TXNRD1: variants seen among roughly 807,000 people sequenced by gnomAD.
TXNRD1 encodes the protein thioredoxin reductase 1, cytoplasmic.
In TXNRD1, 57 loss-of-function variants were observed where a neutral mutation model predicts 80.3. The ratio of observed to expected loss-of-function variants is 0.71; its 90% confidence interval spans 0.57 to 0.89. The LOEUF (loss-of-function observed/expected upper bound fraction) is 0.89. TXNRD1 is among the 40% of genes least tolerant of loss of function. The pLI is 0.00. For missense variants in TXNRD1, 730 were observed against 803.0 expected, an observed-to-expected ratio of 0.91 and a Z score of 1.10; for synonymous variants, 291 against 285.2, an observed-to-expected ratio of 1.02 and a Z score of -0.20.
chr12:104,326,255 C>T, intron 11 of TXNRD1, 92 bp from the exon 12 acceptor site: 1 of 803,562 alleles, frequency 1.2e-6, no homozygotes, highest in Non-Finnish European at 1.9e-6. Context: ...AAAATGAAAT[C>T]AGATTAGCTT....
At chr12:104,245,591 G>C (rs182020389) in intron 1 of TXNRD1, among the ~76,000 whole-genome samples, 5 of 141,086 alleles carry the variant, frequency 3.5e-5, no homozygotes, top group Non-Finnish European at 6.0e-5. Context: ...GCAGTGAGCC[G>C]AGATCCGAGA....
intron 1 of TXNRD1, among the ~76,000 whole-genome samples, chr12:104,221,374 T>C (rs987463481): frequency 1.3e-5 from 2 of 152,070 alleles, no homozygotes; most frequent in African/African-American, 2.4e-5. Context: ...CTGGAGTGCA[T>C]TGGCATGATC....
At chr12:104,225,337 C>T (rs989663634) in intron 1 of TXNRD1, among the ~76,000 whole-genome samples, 1 of 152,224 alleles carries the variant, frequency 6.6e-6, no homozygotes, top group Non-Finnish European at 1.5e-5. Flanking sequence ...AGCGAGGATT[C>T]TCATGCTGGA....
chr12:104,274,157 G>T (rs2033709465), intron 3 of TXNRD1, among the ~76,000 whole-genome samples: 1 of 152,144 alleles, frequency 6.6e-6, no homozygotes, highest in South Asian at 2.1e-4. Context: ...TCTTTGGGGT[G>T]GAGAAATTGG....
intron 1 of TXNRD1, among the ~76,000 whole-genome samples, chr12:104,246,709 G>T (rs1050383148): frequency 1.3e-5 from 2 of 151,714 alleles, no homozygotes; most frequent in African/African-American, 4.8e-5. Context: ...TTTTAGTAGA[G>T]ACTGGGTTTC....
chr12:104,253,193 A>G (rs566776883), intron 2 of TXNRD1, among the ~76,000 whole-genome samples: 23 of 152,114 alleles, frequency 1.5e-4, no homozygotes, highest in Admixed American at 1.2e-3. Context: ...GTCTGTGCAC[A>G]CGTGCACTTT....
chr12:104,238,102 A>G (rs2032778091), intron 1 of TXNRD1, among the ~76,000 whole-genome samples: 1 of 152,208 alleles, frequency 6.6e-6, no homozygotes, highest in Non-Finnish European at 1.5e-5. Flanking sequence ...AATAGTCTCA[A>G]GGATTATTGG....
intron 16 of TXNRD1, among the ~76,000 whole-genome samples, chr12:104,342,005 C>T (rs1022635186): frequency 4.6e-5 from 7 of 152,090 alleles, no homozygotes; most frequent in Admixed American, 1.3e-4. Flanking sequence ...TGTGGGGAGG[C>T]GGGGGACAAC....
At chr12:104,245,987 C>T (rs1336871191) in intron 1 of TXNRD1, among the ~76,000 whole-genome samples, 2 of 150,742 alleles carry the variant, frequency 1.3e-5, no homozygotes, top group East Asian at 3.9e-4. Context: ...GTGGCGGGCT[C>T]CTGTAGTCCC....
At chr12:104,231,421 G>A (rs761345075) in intron 1 of TXNRD1, among the ~76,000 whole-genome samples, 1 of 152,154 alleles carries the variant, frequency 6.6e-6, no homozygotes, top group Non-Finnish European at 1.5e-5. Flanking sequence ...GAAACAATTT[G>A]ATTTATAGTA....
intron 3 of TXNRD1, among the ~76,000 whole-genome samples, chr12:104,275,998 T>A (rs1441767670): frequency 6.6e-6 from 1 of 152,204 alleles, no homozygotes; most frequent in Non-Finnish European, 1.5e-5. Flanking sequence ...GGCACACAGT[T>A]TGCCAGCAGA....
At chr12:104,267,686 TTTCTTTCTTTCTTTCTCTCTTTCTTTC>T (rs2033547650) in intron 3 of TXNRD1, among the ~76,000 whole-genome samples, 1 of 42,430 alleles carries the variant, frequency 2.4e-5, no homozygotes, top group Non-Finnish European at 6.1e-5. Flanking sequence ...TCTTTCTTTC[TTTCTTTCTTTCTTTCTCTCTTTCTTTC>T]TTTCTTTCTC....
intron 3 of TXNRD1, among the ~76,000 whole-genome samples, chr12:104,270,085 A>G (rs2033622640): frequency 6.6e-6 from 1 of 152,154 alleles, no homozygotes; most frequent in African/African-American, 2.4e-5. Context: ...TCTTGAATTC[A>G]TCAAAGTTAC....
At chr12:104,227,453 A>G (rs2032497873) in intron 1 of TXNRD1, among the ~76,000 whole-genome samples, 3 of 152,098 alleles carry the variant, frequency 2.0e-5, no homozygotes, top group African/African-American at 7.2e-5. Context: ...TTTTTATAGA[A>G]ATGAAGTCTT....
chr12:104,293,437 G>A (rs531814886), intron 4 of TXNRD1, among the ~76,000 whole-genome samples: 4 of 152,286 alleles, frequency 2.6e-5, no homozygotes, highest in Admixed American at 2.6e-4. Context: ...GTCTTGGGGG[G>A]TAGATGCTGA....
At chr12:104,335,175 G>C (rs945509898) in intron 15 of TXNRD1, among the ~76,000 whole-genome samples, 30 of 149,622 alleles carry the variant, frequency 2.0e-4, no homozygotes, top group Non-Finnish European at 3.5e-4. Context: ...GTGAATAAGA[G>C]TACAATATGC....
At chr12:104,235,553 C>T (rs1025390627) in intron 1 of TXNRD1, among the ~76,000 whole-genome samples, 3 of 152,180 alleles carry the variant, frequency 2.0e-5, no homozygotes, top group Non-Finnish European at 4.4e-5. Flanking sequence ...GCTTCTCTCT[C>T]CTTGTGCAAA....
rs537434799 is a variant in TXNRD1, at chr12:104,311,723, G to A, written c.537+311G>A. On this transcript the variant is annotated intron_variant, in intron 5 of 16. Transcript: ENST00000525566. ...GTGCCTGGTGTGGTGACTCACGCCT[G>A]TAATCCCAGCACTTTGGGAGTCCGA... 2.1e-4 allele frequency among the ~76,000 whole-genome samples: 32 copies of A among 152,300 alleles called. No individual in the cohort carries two copies. In the South Asian group the frequency reaches 6.6e-3, roughly 32 times the overall value.
intron 1 of TXNRD1, among the ~76,000 whole-genome samples, chr12:104,237,054 C>A (rs1462571918): frequency 2.0e-5 from 3 of 152,004 alleles, no homozygotes; most frequent in Non-Finnish European, 4.4e-5. Flanking sequence ...TGGGAGGGAA[C>A]AAGAAACAAA....
Sources: gnomAD v4.1 joint callset for allele counts (sites outside exome capture counted in the v4.1 genomes callset) on GRCh38, gnomAD v4.1.1 for gene constraint, MANE v1.5 for transcripts, NCBI Gene and HGNC (gene_info 2026-07-23, HGNC 2026-07-21) for gene names.